RXRG: variants seen among roughly 807,000 people sequenced by gnomAD.
The protein encoded by RXRG is retinoic acid receptor RXR-gamma.
Under a neutral mutation model 49.2 loss-of-function variants are expected in RXRG, and 19 were observed. The ratio of observed to expected loss-of-function variants is 0.39; its 90% CI spans 0.27 to 0.57. The LOEUF (loss-of-function observed/expected upper bound fraction) is 0.57. RXRG is among the 20% of genes least tolerant of loss of function. The pLI, the probability that RXRG is intolerant of heterozygous loss-of-function variation, is 0.64. For synonymous variants in RXRG, 224 were observed against 216.6 expected (o/e 1.03, Z -0.30); for missense variants, 452 against 592.5 (o/e 0.76, Z 2.46).
chr1:165,422,060 A>G (rs952720339), intron 2 of RXRG, among the ~76,000 whole-genome samples: 49 of 152,106 alleles, frequency 3.2e-4, no homozygotes, highest in African/African-American at 1.1e-3. Flanking sequence ...GAGGGACAAG[A>G]AAAGTCATGG....
At chr1:165,419,800 G>A in intron 3 of RXRG, 70 bp downstream of exon 3, 5 of 1,373,328 alleles carry the variant, frequency 3.6e-6, no homozygotes, top group Non-Finnish European at 4.9e-6. Flanking sequence ...TGAGTACAAA[G>A]TATCCAGGCA....
At chr1:165,429,353 G>A (rs759201492) in intron 1 of RXRG, among the ~76,000 whole-genome samples, 4 of 152,192 alleles carry the variant, frequency 2.6e-5, no homozygotes, top group Non-Finnish European at 5.9e-5. Flanking sequence ...GGGAGAGTGA[G>A]TAGGTTCCCA....
At chr1:165,410,462 T>G (rs1248314809) in intron 6 of RXRG, among the ~76,000 whole-genome samples, 1 of 152,194 alleles carries the variant, frequency 6.6e-6, no homozygotes, top group Non-Finnish European at 1.5e-5. Flanking sequence ...TAAAATGATT[T>G]AATAGTCTTT....
rs1234633356 is a variant in RXRG at position 165,410,701 on chromosome 1, C to G, written c.913+1G>C. The G allele has an allele frequency of 1.2e-6, 2 of 1,613,836 alleles. No individual in the cohort carries two copies. The highest frequency in any genetic ancestry group is 8.5e-7 in the Non-Finnish European group (1 of 1,179,976). On this transcript the variant is annotated splice_donor_variant, in intron 6 of 9. Coordinates refer to ENST00000359842, the MANE Select transcript of RXRG (RefSeq NM_006917.5). LOFTEE classifies it high-confidence loss of function. ...GAAAAAAGGCAGCCAATGTGCTTTA[C>G]CTGCCCGAAGCAAAATGACCTGGTC...
At chr1:165,433,720 T>C (rs1406046946) in intron 1 of RXRG, among the ~76,000 whole-genome samples, 1 of 152,188 alleles carries the variant, frequency 6.6e-6, no homozygotes, top group Non-Finnish European at 1.5e-5. Flanking sequence ...ACATGGCTTG[T>C]TGGCATTGAA....
At chr1:165,436,912 A>G in intron 1 of RXRG, 1 of 1,108,510 alleles carries the variant, frequency 9.0e-7, no homozygotes, top group South Asian at 2.3e-5. Flanking sequence ...ATTAACAACC[A>G]AACTTGAAAA....
intron 9 of RXRG, among the ~76,000 whole-genome samples, chr1:165,402,630 A>G (rs924475029): frequency 1.3e-5 from 2 of 151,864 alleles, no homozygotes; most frequent in African/African-American, 2.4e-5. Context: ...ACACTGTCAC[A>G]TTCCCTTGCA....
chr1:165,426,597 C>T (rs1168510420), intron 2 of RXRG, among the ~76,000 whole-genome samples: 2 of 152,192 alleles, frequency 1.3e-5, no homozygotes, highest in African/African-American at 4.8e-5. Context: ...AGACTCTAGG[C>T]ATGGTCACTG....
At chr1:165,401,848 TTAGA>T (rs1018911998) in intron 9 of RXRG, among the ~76,000 whole-genome samples, 25 of 152,234 alleles carry the variant, frequency 1.6e-4, no homozygotes, top group African/African-American at 5.5e-4. Context: ...GCTGTCACCA[TTAGA>T]TGACACGTTT....
intron 2 of RXRG, among the ~76,000 whole-genome samples, chr1:165,421,401 A>G (rs191326654): frequency 2.3e-4 from 35 of 151,660 alleles, no homozygotes; most frequent in Admixed American, 1.5e-3. Context: ...TGTAACCAGT[A>G]TTTTGCTTTG....
intron 2 of RXRG, 92 bp downstream of exon 2, chr1:165,428,627 T>C: frequency 1.4e-6 from 2 of 1,436,542 alleles, no homozygotes; most frequent in South Asian, 2.7e-5. Context: ...GCACGCATTA[T>C]GGACCTGCTG....
chr1:165,407,018 G>C (rs1657778449), intron 8 of RXRG, 101 bp from the exon 9 acceptor site: 2 of 763,868 alleles, frequency 2.6e-6, no homozygotes, highest in Non-Finnish European at 4.4e-6. Flanking sequence ...GAGACACCCT[G>C]GATGGGGACA....
chr1:165,418,235 G>A (rs1658195968), intron 3 of RXRG, among the ~76,000 whole-genome samples: 1 of 151,888 alleles, frequency 6.6e-6, no homozygotes, highest in South Asian at 2.1e-4. Flanking sequence ...AGGCAGGGGT[G>A]GCTAATTTAG....
chr1:165,437,296 GC>G, intron 1 of RXRG: 1 of 1,175,572 alleles, frequency 8.5e-7, no homozygotes, highest in Non-Finnish European at 1.1e-6. Context: ...AGAGCATGAA[GC>G]CCATTCCCTG....
intron 4 of RXRG, among the ~76,000 whole-genome samples, chr1:165,415,384 G>A (rs188196): frequency 0.13 from 20,498 of 152,098 alleles, 1,515 homozygotes; most frequent in South Asian, 0.23. Flanking sequence ...TGGGTGAGAA[G>A]GAAAGACATT....
chr1:165,430,291 G>A (rs1658628440), intron 1 of RXRG, among the ~76,000 whole-genome samples: 1 of 152,214 alleles, frequency 6.6e-6, no homozygotes, highest in Admixed American at 6.5e-5. Context: ...TATTTCTTGA[G>A]TGCCTACTAC....
intron 1 of RXRG, among the ~76,000 whole-genome samples, chr1:165,429,326 T>C (rs1167519574): frequency 6.6e-6 from 1 of 152,176 alleles, no homozygotes; most frequent in East Asian, 1.9e-4. Flanking sequence ...AAGGTGAGTC[T>C]ATACCAAACC....
intron 8 of RXRG, 107 bp from the exon 9 acceptor site, chr1:165,407,024 G>A: frequency 1.4e-6 from 1 of 719,884 alleles, no homozygotes; most frequent in Non-Finnish European, 2.4e-6. Flanking sequence ...CCCTGGATGG[G>A]GACAAGTGTG....
At chr1:165,406,671 T>C (rs1032620910) in intron 9 of RXRG, 141 bp downstream of exon 9, 3 of 660,260 alleles carry the variant, frequency 4.5e-6, no homozygotes, top group African/African-American at 3.6e-5. Context: ...GGAATTAACA[T>C]TTTTGTGGCT....
Sources: gnomAD v4.1 joint callset for allele counts (sites outside exome capture counted in the v4.1 genomes callset) on GRCh38, gnomAD v4.1.1 for gene constraint, MANE v1.5 for transcripts, NCBI Gene and HGNC (gene_info 2026-07-23, HGNC 2026-07-21) for gene names.